The following ABCC4 variants were observed in gnomAD, a reference collection of about 807,000 sequenced individuals.
ABCC4 encodes the protein ATP-binding cassette sub-family C member 4.
Under a neutral mutation model 168.5 loss-of-function variants are expected in ABCC4, and 102 were observed. That is an observed-to-expected ratio of 0.61 (90% confidence interval 0.52 to 0.71). The LOEUF is 0.71. Ranked by LOEUF, ABCC4 falls within the 30% of genes least tolerant of loss-of-function variation. The pLI, the probability that ABCC4 is intolerant of heterozygous loss-of-function variation, is 0.00. For synonymous variants in ABCC4, 617 were observed against 590.7 expected, an observed-to-expected ratio of 1.04 and a Z score of -0.65; for missense variants, 1,402 against 1,605.8, an observed-to-expected ratio of 0.87 and a Z score of 2.17.
chr13:95,147,522 AAC>A (rs2036540140), intron 19 of ABCC4, among the ~76,000 whole-genome samples: 1 of 152,180 alleles, frequency 6.6e-6, no homozygotes, highest in Admixed American at 6.5e-5. Flanking sequence ...TGTCTCTAAA[AAC>A]ATCCCATGAA....
intron 26 of ABCC4, among the ~76,000 whole-genome samples, chr13:95,062,386 A>G (rs1363842008): frequency 6.6e-6 from 1 of 152,146 alleles, no homozygotes; most frequent in Non-Finnish European, 1.5e-5. Flanking sequence ...AAACCTCCCC[A>G]GTGCTAAACA....
chr13:95,025,230 CA>C (rs2031383892), intron 30 of ABCC4, among the ~76,000 whole-genome samples: 1 of 64,104 alleles, frequency 1.6e-5, no homozygotes, highest in African/African-American at 6.6e-5. Context: ...CCCCCACACA[CA>C]CCCATACACA....
At chr13:95,093,546 T>G (rs1167437591) in intron 20 of ABCC4, among the ~76,000 whole-genome samples, 4 of 151,998 alleles carry the variant, frequency 2.6e-5, no homozygotes, top group Non-Finnish European at 5.9e-5. Flanking sequence ...CATACCTCAA[T>G]GTAATAAAAG....
At chr13:95,213,126 TA>T (rs11370564) in intron 4 of ABCC4, among the ~76,000 whole-genome samples, 24 of 147,896 alleles carry the variant, frequency 1.6e-4, no homozygotes, top group African/African-American at 2.7e-4. Context: ...GATTCCATCT[TA>T]AAAAAAAAAA....
chr13:95,058,567 C>CAAAA (rs1165324016), intron 26 of ABCC4, among the ~76,000 whole-genome samples: 157 of 62,664 alleles, frequency 2.5e-3, no homozygotes, highest in Non-Finnish European at 3.0e-3. Context: ...GACTCCATCT[C>CAAAA]AAAAAAAAAA....
intron 21 of ABCC4, among the ~76,000 whole-genome samples, chr13:95,079,606 G>A (rs529901921): frequency 3.3e-5 from 5 of 152,304 alleles, no homozygotes; most frequent in South Asian, 2.1e-4. Context: ...AGGCTGAGGC[G>A]GGTGGATCAT....
At chr13:95,232,089 A>C (rs1024366245) in intron 4 of ABCC4, among the ~76,000 whole-genome samples, 2 of 150,896 alleles carry the variant, frequency 1.3e-5, no homozygotes, top group African/African-American at 4.9e-5. Context: ...GTACAGGAGA[A>C]TAACACAGAT....
intron 30 of ABCC4, among the ~76,000 whole-genome samples, chr13:95,031,652 A>C (rs1335466516): frequency 6.6e-6 from 1 of 152,210 alleles, no homozygotes; most frequent in Non-Finnish European, 1.5e-5. Context: ...CCAGTAATTG[A>C]GATTTCAATT....
chr13:95,036,822 G>A (rs1039277343), intron 29 of ABCC4, among the ~76,000 whole-genome samples: 1 of 151,938 alleles, frequency 6.6e-6, no homozygotes, highest in Non-Finnish European at 1.5e-5. Flanking sequence ...AGTGGCTCAC[G>A]CCTATAATCC....
At chr13:95,139,718 A>G (rs1184978406) in intron 19 of ABCC4, among the ~76,000 whole-genome samples, 3 of 152,120 alleles carry the variant, frequency 2.0e-5, no homozygotes, top group Non-Finnish European at 4.4e-5. Context: ...AAGATATTTA[A>G]CCATCCCAGA....
intron 19 of ABCC4, among the ~76,000 whole-genome samples, chr13:95,153,380 C>T (rs2036752979): frequency 6.6e-6 from 1 of 152,106 alleles, no homozygotes. Flanking sequence ...AAGATAAAGA[C>T]AACACATATC....
rs967446669 is a variant in ABCC4, at chr13:95,247,023, C to G, written c.258G>C (p.Lys86Asn). ...AAACTAAATAAGATTTCCAGTAACA[C>G]TTTATGATTGCTCTTGTTAAAGAAG... ...QKPSLTRAII[K>N]CYWKSYLVLG... Residue 86 changes from lysine (K) to asparagine (N), a missense_variant, in exon 3 of 31, where the codon AAG becomes AAC. Physicochemically the swap from Lys to Asn is moderately conservative, Grantham distance 94. Around this residue, in one of 3 missense-constraint regions of ABCC4, gnomAD observed 317 missense variants for 345.5 expected, o/e 0.92. Coordinates refer to ENST00000645237, the MANE Select transcript of ABCC4 (RefSeq NM_005845.5). 1 of 1,612,436 alleles carries G rather than the reference C, an allele frequency of 6.2e-7. No homozygotes were observed. Among genetic ancestry groups the G allele is most frequent in the Non-Finnish European group, 8.5e-7 (1 of 1,178,502 alleles).
At chr13:95,155,730 G>A (rs2036832796) in intron 19 of ABCC4, among the ~76,000 whole-genome samples, 1 of 152,148 alleles carries the variant, frequency 6.6e-6, no homozygotes. Context: ...CCCTGAGAGA[G>A]TAAACAAACA....
chr13:95,124,331 G>C (rs1033508809), intron 19 of ABCC4, among the ~76,000 whole-genome samples: 11 of 152,222 alleles, frequency 7.2e-5, no homozygotes, highest in Admixed American at 3.9e-4. Context: ...TCCTCACTGA[G>C]AGCAGGCAAC....
At chr13:95,197,125 C>A (rs2038479273) in intron 8 of ABCC4, among the ~76,000 whole-genome samples, 1 of 152,196 alleles carries the variant, frequency 6.6e-6, no homozygotes, top group Admixed American at 6.5e-5. Flanking sequence ...TGTCCCCCAT[C>A]CTGCACTTAC....
At chr13:95,235,776 G>A (rs563851306) in intron 3 of ABCC4, among the ~76,000 whole-genome samples, 4 of 152,134 alleles carry the variant, frequency 2.6e-5, no homozygotes, top group Non-Finnish European at 5.9e-5. Flanking sequence ...GCTTCAGTAT[G>A]TTTCTGCCCC....
chr13:95,090,768 A>C (rs1175690742), intron 20 of ABCC4, among the ~76,000 whole-genome samples: 1 of 152,224 alleles, frequency 6.6e-6, no homozygotes, highest in Admixed American at 6.5e-5. Context: ...CAATGGATCC[A>C]AACTGAGAAG....
intron 24 of ABCC4, among the ~76,000 whole-genome samples, 196 bp from the exon 25 acceptor site, chr13:95,072,049 C>T (rs1261058424): frequency 2.0e-5 from 3 of 152,194 alleles, no homozygotes. Flanking sequence ...CTTCCTTCAA[C>T]ATTAGGTTAA....
intron 19 of ABCC4, among the ~76,000 whole-genome samples, chr13:95,143,564 T>C (rs1045261665): frequency 6.6e-6 from 1 of 152,176 alleles, no homozygotes; most frequent in African/African-American, 2.4e-5. Context: ...TTCTCCATTA[T>C]CACTTTGGAG....
Sources: gnomAD v4.1 joint callset for allele counts (sites outside exome capture counted in the v4.1 genomes callset) on GRCh38, gnomAD v4.1.1 for gene constraint, gnomAD v4.1.1 regional missense constraint, MANE v1.5 for transcripts, NCBI Gene and HGNC (gene_info 2026-07-23, HGNC 2026-07-21) for gene names.